The following PARD3 variants were observed in gnomAD, a reference collection of about 807,000 sequenced individuals.
The protein encoded by PARD3 is partitioning defective 3 homolog.
In PARD3, 75 loss-of-function variants were observed where a neutral mutation model predicts 155.4. The ratio of observed to expected loss-of-function variants is 0.48; its 90% CI spans 0.40 to 0.58. The LOEUF is 0.58. PARD3 is among the 20% of genes least tolerant of loss of function. The pLI is 0.00. For synonymous variants in PARD3, 576 were observed against 610.5 expected (o/e 0.94, Z 0.83); for missense variants, 1,642 against 1,721.7 (o/e 0.95, Z 0.82).
chr10:34,261,727 AG>A (rs1954982042), intron 22 of PARD3, among the ~76,000 whole-genome samples: 1 of 57,892 alleles, frequency 1.7e-5, no homozygotes, highest in African/African-American at 1.9e-4. Flanking sequence ...AAAGGAAGAA[AG>A]GAAGGAAGAA....
intron 22 of PARD3, among the ~76,000 whole-genome samples, chr10:34,144,158 T>C (rs918680520): frequency 6.6e-6 from 1 of 152,220 alleles, no homozygotes; most frequent in African/African-American, 2.4e-5. Flanking sequence ...GAGTTACTGA[T>C]AGATTGTGAA....
At chr10:34,773,990 T>C (rs116001058) in intron 1 of PARD3, among the ~76,000 whole-genome samples, 286 of 152,276 alleles carry the variant, frequency 1.9e-3, no homozygotes, top group African/African-American at 6.4e-3. Flanking sequence ...AAATGTGCTT[T>C]ACTTTAAGCC....
chr10:34,181,239 A>G (rs1274363979), intron 22 of PARD3, among the ~76,000 whole-genome samples: 1 of 152,240 alleles, frequency 6.6e-6, no homozygotes, highest in African/African-American at 2.4e-5. Flanking sequence ...GGTACTTCAA[A>G]CTAAAGTGCA....
rs60538089 is a variant in PARD3, at chr10:34,433,859, C to T, written c.714+16458G>A. On this transcript the variant is annotated intron_variant, in intron 5 of 24. Coordinates refer to ENST00000374788, the MANE Select transcript of PARD3 (RefSeq NM_001184785.2). The stretch of plus-strand genomic sequence containing the variant: ...AAGCATGGTTACGCTAGGCTGCAAA[C>T]GTATGTGACAGAGACCCAATGCCTC... Among the ~76,000 whole-genome samples, 734 of 152,212 alleles carry T rather than the reference C, an allele frequency of 4.8e-3. 4 individuals are homozygous for T. The highest frequency in any genetic ancestry group is 0.017 in the African/African-American group (695 of 41,526).
chr10:34,200,821 G>A (rs746908747), intron 22 of PARD3, among the ~76,000 whole-genome samples: 11 of 152,338 alleles, frequency 7.2e-5, no homozygotes, highest in Non-Finnish European at 1.3e-4. Context: ...AAGAGCAGAT[G>A]GTTTTTCAGC....
At chr10:34,772,628 C>T (rs1375038900) in intron 1 of PARD3, among the ~76,000 whole-genome samples, 1 of 151,622 alleles carries the variant, frequency 6.6e-6, no homozygotes, top group Non-Finnish European at 1.5e-5. Context: ...CCTGTCTCTA[C>T]TAAAAATACA....
intron 2 of PARD3, among the ~76,000 whole-genome samples, chr10:34,692,057 T>G (rs2094072545): frequency 1.3e-5 from 2 of 151,858 alleles, no homozygotes; most frequent in African/African-American, 4.8e-5. Flanking sequence ...CATGGTGAAA[T>G]CCCATCTCTA....
chr10:34,279,994 G>A (rs1337728272), intron 21 of PARD3, among the ~76,000 whole-genome samples: 1 of 152,150 alleles, frequency 6.6e-6, no homozygotes, highest in Non-Finnish European at 1.5e-5. Context: ...TTACTATGCA[G>A]ATATAGATAA....
rs144997589 is a variant in PARD3, at chr10:34,210,416, A to G, written c.3419+59241T>C. ...TTTGCGTGTGGATGTTGGTTGAGAC[A>G]TTTGGTGGGCAGAGTGGCGATGGGG... On this transcript the variant is annotated intron_variant, in intron 22 of 24. Coordinates refer to ENST00000374788, the MANE Select transcript of PARD3 (RefSeq NM_001184785.2). 5.0e-3 allele frequency among the ~76,000 whole-genome samples: 759 copies of G among 152,228 alleles called. 2 individuals carry two copies. Among genetic ancestry groups the G allele is most frequent in the African/African-American group, 0.016 (675 of 41,538 alleles).
intron 2 of PARD3, among the ~76,000 whole-genome samples, chr10:34,670,646 T>C (rs553289234): frequency 1.3e-5 from 2 of 152,246 alleles, no homozygotes; most frequent in South Asian, 4.2e-4. Flanking sequence ...AGTGTGTGCA[T>C]GTTTTAGAGT....
intron 19 of PARD3, 145 bp from the exon 20 acceptor site, chr10:34,317,483 C>G: frequency 1.2e-6 from 1 of 826,486 alleles, no homozygotes; most frequent in Non-Finnish European, 1.8e-6. Context: ...TGCTGTTTAA[C>G]TTTGAGTAGA....
rs575446114 is a variant in PARD3, at chr10:34,411,877, G to GT, written c.715-9961dup. On this transcript the variant is annotated intron_variant, in intron 5 of 24. Coordinates refer to ENST00000374788, the MANE Select transcript of PARD3 (RefSeq NM_001184785.2). ...TATACTCTTTGCAAGTTTATCAGGA[G>GT]TTTTTTTTCTATGTATTTTAACAAA... 1.4e-4 allele frequency among the ~76,000 whole-genome samples: 21 copies of GT among 150,580 alleles called. 1 individual carries two copies. The East Asian group carries it at 2.7e-3, about 20-fold the overall frequency.
intron 2 of PARD3, among the ~76,000 whole-genome samples, chr10:34,532,495 C>T (rs954778424): frequency 6.6e-6 from 1 of 152,028 alleles, no homozygotes; most frequent in East Asian, 1.9e-4. Flanking sequence ...ACCATGTGCC[C>T]GCTATGTGCC....
chr10:34,115,945 C>T (rs1013402593), intron 24 of PARD3, among the ~76,000 whole-genome samples: 17 of 152,170 alleles, frequency 1.1e-4, no homozygotes, highest in Non-Finnish European at 1.9e-4. Flanking sequence ...ATCTCCTGAC[C>T]TTGTGATCCG....
intron 8 of PARD3, among the ~76,000 whole-genome samples, chr10:34,383,739 T>G (rs561281439): frequency 6.6e-6 from 1 of 152,246 alleles, no homozygotes; most frequent in African/African-American, 2.4e-5. Flanking sequence ...ATAAAGTGTA[T>G]CTGAATACAA....
intron 1 of PARD3, among the ~76,000 whole-genome samples, chr10:34,697,920 T>C (rs1009764790): frequency 6.6e-6 from 1 of 151,904 alleles, no homozygotes; most frequent in Non-Finnish European, 1.5e-5. Context: ...TCCAGATGTG[T>C]TGAGTCCCCA....
At chr10:34,759,184 C>CTT (rs535466956) in intron 1 of PARD3, among the ~76,000 whole-genome samples, 1 of 149,282 alleles carries the variant, frequency 6.7e-6, no homozygotes, top group South Asian at 2.1e-4. Flanking sequence ...ATATGAAGCA[C>CTT]TTTTTTTTTT....
At chr10:34,636,435 CT>C (rs771765221) in intron 2 of PARD3, among the ~76,000 whole-genome samples, 3 of 152,358 alleles carry the variant, frequency 2.0e-5, no homozygotes, top group African/African-American at 2.4e-5. Context: ...TGGGTGCCCC[CT>C]GTCCAGTCCC....
chr10:34,669,887 G>GT (rs2133235180), intron 2 of PARD3, among the ~76,000 whole-genome samples: 1 of 152,288 alleles, frequency 6.6e-6, no homozygotes, highest in East Asian at 1.9e-4. Context: ...TATGATAAAA[G>GT]TAAAATTCTA....
Sources: allele counts gnomAD v4.1 joint callset (sites outside exome capture counted in the v4.1 genomes callset), GRCh38; gene constraint gnomAD v4.1.1; transcripts MANE v1.5; gene names NCBI Gene and HGNC (gene_info 2026-07-23, HGNC 2026-07-21).